Variants in EXOC4 observed in about 807,000 individuals in gnomAD.
EXOC4 encodes exocyst complex component 4, also known as SEC8-like 1.
Under a neutral mutation model 107.2 loss-of-function variants are expected in EXOC4, and 71 were observed. That is an observed-to-expected ratio of 0.66 (90% CI 0.55 to 0.81). The LOEUF (loss-of-function observed/expected upper bound fraction) is 0.81. Ranked by LOEUF, EXOC4 falls within the 30% of genes least tolerant of loss-of-function variation. The pLI is 0.00. For synonymous variants in EXOC4, 456 were observed against 441.2 expected, an observed-to-expected ratio of 1.03 and a Z score of -0.42; for missense variants, 1,108 against 1,189.6, an observed-to-expected ratio of 0.93 and a Z score of 1.01.
chr7:133,597,549 T>G (rs1366897320), intron 9 of EXOC4, among the ~76,000 whole-genome samples: 1 of 79,450 alleles, frequency 1.3e-5, no homozygotes. Flanking sequence ...AGCGAAACTC[T>G]GTTTCAAAAA....
intron 14 of EXOC4, among the ~76,000 whole-genome samples, chr7:133,947,513 C>G (rs144236531): frequency 1.1e-4 from 16 of 152,276 alleles, no homozygotes; most frequent in African/African-American, 3.8e-4. Context: ...AAAAAGGCAC[C>G]TTTTGTTCTT....
intron 3 of EXOC4, 85 bp downstream of exon 3, chr7:133,289,201 G>A: frequency 8.4e-7 from 1 of 1,185,462 alleles, no homozygotes; most frequent in Non-Finnish European, 1.2e-6. Flanking sequence ...TGTAATGCAT[G>A]TAGCACATTA....
chr7:133,491,564 C>T (rs1419895331), intron 9 of EXOC4, among the ~76,000 whole-genome samples: 7 of 152,126 alleles, frequency 4.6e-5, no homozygotes, highest in Non-Finnish European at 1.0e-4. Flanking sequence ...CTGGTTAGTT[C>T]TTAGGGCTGT....
At chr7:133,875,554 T>G (rs1013252567) in intron 11 of EXOC4, among the ~76,000 whole-genome samples, 2 of 152,208 alleles carry the variant, frequency 1.3e-5, no homozygotes, top group Admixed American at 6.5e-5. Flanking sequence ...TGGAGTGGCC[T>G]GTGCTTCCCG....
In EXOC4 at chr7:133,855,674, C is replaced by T. The variant is rs146768392; in HGVS notation, c.1734+38130C>T. On this transcript the variant is annotated intron_variant, in intron 11 of 17. Coordinates refer to ENST00000253861, the MANE Select transcript of EXOC4 (RefSeq NM_021807.4). ...TTTCTCTTTGGGAGGAGGGTAAAAG[C>T]AACTACTGATAAGAAAGTAAGCCTT... 9.7e-3 allele frequency among the ~76,000 whole-genome samples: 1,482 copies of T among 152,238 alleles called. 8 individuals are homozygous for T. The highest frequency in any genetic ancestry group is 0.02 in the Middle Eastern group (6 of 294).
chr7:133,762,921 C>T (rs1796062679), intron 10 of EXOC4, among the ~76,000 whole-genome samples: 1 of 151,956 alleles, frequency 6.6e-6, no homozygotes, highest in African/African-American at 2.4e-5. Flanking sequence ...TTTTGTTATG[C>T]AATTAACATC....
At chr7:133,641,778 TAAAG>T (rs1802861859) in intron 10 of EXOC4, among the ~76,000 whole-genome samples, 1 of 152,194 alleles carries the variant, frequency 6.6e-6, no homozygotes, top group African/African-American at 2.4e-5. Flanking sequence ...ATAAGAATAG[TAAAG>T]AAAATTGTAC....
chr7:133,497,302 G>A (rs1297806403), intron 9 of EXOC4, among the ~76,000 whole-genome samples: 1 of 152,126 alleles, frequency 6.6e-6, no homozygotes, highest in African/African-American at 2.4e-5. Flanking sequence ...TTGTGAAATT[G>A]TCCCTTTGAG....
intron 5 of EXOC4, among the ~76,000 whole-genome samples, chr7:133,347,986 A>T (rs752790249): frequency 5.9e-5 from 9 of 152,222 alleles, no homozygotes; most frequent in Non-Finnish European, 1.0e-4. Flanking sequence ...CTACACGTTG[A>T]GTACATATTG....
At chr7:133,994,432 A>G (rs931634831) in intron 14 of EXOC4, among the ~76,000 whole-genome samples, 1 of 152,178 alleles carries the variant, frequency 6.6e-6, no homozygotes, top group African/African-American at 2.4e-5. Context: ...ATGGGCTGAT[A>G]GGTGCAGCAA....
At chr7:133,517,413 G>A (rs1412806190) in intron 9 of EXOC4, among the ~76,000 whole-genome samples, 1 of 152,102 alleles carries the variant, frequency 6.6e-6, no homozygotes, top group African/African-American at 2.4e-5. Flanking sequence ...TGTTCTCTGA[G>A]TTCCTTCCCC....
chr7:133,810,636 T>A (rs1425421506), intron 10 of EXOC4, among the ~76,000 whole-genome samples: 1 of 151,248 alleles, frequency 6.6e-6, no homozygotes, highest in Non-Finnish European at 1.5e-5. Context: ...TTTTATTTTA[T>A]TTTATTTTAT....
At chr7:133,342,156 A>G (rs558584856) in intron 5 of EXOC4, among the ~76,000 whole-genome samples, 2 of 150,578 alleles carry the variant, frequency 1.3e-5, no homozygotes, top group East Asian at 3.9e-4. Context: ...TGATTTAAGG[A>G]GGTTCTGTTT....
At chr7:133,813,963 A>G (rs1797300460) in intron 10 of EXOC4, among the ~76,000 whole-genome samples, 1 of 152,182 alleles carries the variant, frequency 6.6e-6, no homozygotes, top group Admixed American at 6.5e-5. Context: ...TTAAACAGCT[A>G]AACTTAAGGA....
At chr7:134,074,352 A>C in the EXOC4 span, among the ~76,000 whole-genome samples, 10 of 152,168 alleles carry the variant, frequency 6.6e-5, no homozygotes, top group African/African-American at 2.4e-4. Context: ...GCCCTGAAAC[A>C]AGAAGCTTGT....
chr7:133,459,856 A>T (rs1196860471), intron 7 of EXOC4, among the ~76,000 whole-genome samples: 2 of 152,350 alleles, frequency 1.3e-5, no homozygotes, highest in African/African-American at 4.8e-5. Flanking sequence ...TGATTGTGCT[A>T]TTAAAGTATA....
At chr7:133,568,058 A>G (rs537566439) in intron 9 of EXOC4, among the ~76,000 whole-genome samples, 6 of 152,338 alleles carry the variant, frequency 3.9e-5, no homozygotes, top group Non-Finnish European at 1.5e-5. Context: ...GTGTTAACAA[A>G]TTCTTGACTC....
At chr7:133,944,965 TTTAA>T in intron 14 of EXOC4, among the ~76,000 whole-genome samples, 1 of 152,316 alleles carries the variant, frequency 6.6e-6, no homozygotes, top group South Asian at 2.1e-4. Flanking sequence ...TTTAACCCAT[TTTAA>T]TTAAACTGTA....
At chr7:133,255,907 G>A (rs933205772) in intron 1 of EXOC4, among the ~76,000 whole-genome samples, 6 of 151,964 alleles carry the variant, frequency 3.9e-5, no homozygotes, top group African/African-American at 1.2e-4. Flanking sequence ...TCACTTGGAA[G>A]TTGCTTCTTG....
Sources: allele counts gnomAD v4.1 joint callset (sites outside exome capture counted in the v4.1 genomes callset), GRCh38; gene constraint gnomAD v4.1.1; transcripts MANE v1.5; gene names NCBI Gene and HGNC (gene_info 2026-07-23, HGNC 2026-07-21).